Variants in PPL observed in about 807,000 individuals in gnomAD.
The protein encoded by PPL is 190 kDa paraneoplastic pemphigus antigen.
In PPL, 198 loss-of-function variants were observed where a neutral mutation model predicts 194.4. The observed-to-expected ratio is 1.02, with a 90% CI of 0.91 to 1.15. The LOEUF (loss-of-function observed/expected upper bound fraction) is 1.15. PPL is among the 50% of genes most tolerant of loss of function. PPL has a pLI of 0.00. For synonymous variants in PPL, 1,220 were observed against 972.4 expected, an observed-to-expected ratio of 1.25 and a Z score of -4.74; for missense variants, 2,885 against 2,294.8, an observed-to-expected ratio of 1.26 and a Z score of -5.25.
At chr16:4,892,819 C>T (rs1197334552) in intron 14 of PPL, 3 of 176,510 alleles carry the variant, frequency 1.7e-5, no homozygotes, top group African/African-American at 4.7e-5. Context: ...TCAGCTCACC[C>T]TGTCCTCGCC....
intron 18 of PPL, 139 bp from the exon 19 acceptor site, chr16:4,889,200 C>A: frequency 9.6e-5 from 32 of 334,202 alleles, no homozygotes; most frequent in Middle Eastern, 1.1e-3. Flanking sequence ...CCCTTGTATA[C>A]ATTTTTATTC....
chr16:4,898,983 G>GC, intron 8 of PPL, 30 bp downstream of exon 8: 1 of 1,594,962 alleles, frequency 6.3e-7, no homozygotes, highest in East Asian at 2.2e-5. Flanking sequence ...GCCACCCTGG[G>GC]GGAGGTGTCT....
chr16:4,901,129 C>A (rs2088560304), intron 4 of PPL, 40 bp from the exon 5 acceptor site: 1 of 1,608,080 alleles, frequency 6.2e-7, no homozygotes, highest in African/African-American at 1.3e-5. Context: ...AGAGGGTGGG[C>A]TGAGGGCTGG....
rs1402473253 is a variant in PPL, at chr16:4,936,145, A to G, written c.62+839T>C. On this transcript the variant is annotated intron_variant, in intron 1 of 21. Coordinates refer to ENST00000345988, the MANE Select transcript of PPL (RefSeq NM_002705.5). Reference sequence around the variant, plus strand: ...TGCTTCTCCCTGCAAACACATCAAGACATGCCATTCCCCTCCCAGGCCGCC... The same window carrying G: ...TGCTTCTCCCTGCAAACACATCAAGGCATGCCATTCCCCTCCCAGGCCGCC... Among the ~76,000 whole-genome samples the G allele has an allele frequency of 2.6e-5, 4 of 152,122 alleles. No homozygotes were observed. The East Asian group carries it at 7.7e-4, about 29-fold the overall frequency.
At chr16:4,889,991 A>C (rs1057440176) in intron 18 of PPL, among the ~76,000 whole-genome samples, 193 bp downstream of exon 18, 2 of 152,218 alleles carry the variant, frequency 1.3e-5, no homozygotes, top group Admixed American at 1.3e-4. Context: ...GGGAGAGGTG[A>C]GCGACACACT....
chr16:4,905,512 T>C (rs1358607139), intron 2 of PPL, among the ~76,000 whole-genome samples: 3 of 152,346 alleles, frequency 2.0e-5, no homozygotes, highest in South Asian at 4.1e-4. Flanking sequence ...AACTGATTCA[T>C]GGGCGTGGTT....
intron 2 of PPL, among the ~76,000 whole-genome samples, chr16:4,908,628 T>C (rs1177406201): frequency 6.6e-6 from 1 of 152,042 alleles, no homozygotes; most frequent in Non-Finnish European, 1.5e-5. Context: ...GCCTCAACCT[T>C]CCGGGCTTAA....
chr16:4,921,004 C>A (rs935706994), intron 1 of PPL, among the ~76,000 whole-genome samples: 1 of 152,186 alleles, frequency 6.6e-6, no homozygotes, highest in African/African-American at 2.4e-5. Context: ...GCCCCCTCAG[C>A]CTTGTTGACG....
At chr16:4,935,199 A>T (rs1181051305) in intron 1 of PPL, among the ~76,000 whole-genome samples, 3 of 152,110 alleles carry the variant, frequency 2.0e-5, no homozygotes, top group African/African-American at 7.2e-5. Flanking sequence ...TTTCATCCTC[A>T]TGCTTCTGGG....
intron 11 of PPL, 59 bp from the exon 12 acceptor site, chr16:4,894,677 G>T: frequency 2.5e-6 from 4 of 1,577,438 alleles, no homozygotes; most frequent in South Asian, 2.2e-5. Flanking sequence ...CTGGGAGCCC[G>T]GTTGCCATCT....
intron 2 of PPL, among the ~76,000 whole-genome samples, chr16:4,906,413 G>C (rs1280600515): frequency 6.6e-6 from 1 of 151,988 alleles, no homozygotes; most frequent in Non-Finnish European, 1.5e-5. Context: ...TTTTAGTAGA[G>C]ACGGGGTTTC....
chr16:4,926,091 C>A, intron 1 of PPL, among the ~76,000 whole-genome samples: 1 of 152,162 alleles, frequency 6.6e-6, no homozygotes, highest in Non-Finnish European at 1.5e-5. Context: ...ACCTTCCTGG[C>A]CCACACCCTA....
At chr16:4,935,114 CAG>C (rs1481576725) in intron 1 of PPL, among the ~76,000 whole-genome samples, 3 of 152,312 alleles carry the variant, frequency 2.0e-5, no homozygotes, top group East Asian at 1.9e-4. Flanking sequence ...GCCAGATATA[CAG>C]AGAGTGGCAG....
rs779481467 is a variant in PPL at position 4,884,710 on chromosome 16, G to C, written c.3945C>G (p.Leu1315=). The change falls in exon 22 of 22, where the codon CTC becomes CTG. Residue 1315 remains leucine (L), a synonymous_variant. Coordinates refer to ENST00000345988, the MANE Select transcript of PPL (RefSeq NM_002705.5). This position sits in a 1 kb window ranked among gnomAD's most constrained non-coding sequence, Gnocchi z 5.7. ...CCACTTGTTTCTTCTGCTCCTCTGAGAGCTTTGCCCTCAGAGACGCCACCT... is the reference window on the plus strand; with the variant it reads ...CCACTTGTTTCTTCTGCTCCTCTGACAGCTTTGCCCTCAGAGACGCCACCT... ...KEEVASLRAK[L]SEEQKKQVDL... 1 of 1,614,132 alleles carries C rather than the reference G, an allele frequency of 6.2e-7. No individual in the cohort carries two copies. Among genetic ancestry groups the C allele is most frequent in the South Asian group, 1.1e-5 (1 of 91,074 alleles).
chr16:4,917,534 A>C (rs2088949279), intron 1 of PPL, among the ~76,000 whole-genome samples: 1 of 152,220 alleles, frequency 6.6e-6, no homozygotes, highest in Admixed American at 6.5e-5. Context: ...AAGGGGTATC[A>C]GATTTCTTTT....
chr16:4,890,337 G>T lies in PPL; in HGVS notation c.2163-3C>A. 2.5e-6 allele frequency: 4 copies of T among 1,609,818 alleles called. No homozygotes were observed. Among genetic ancestry groups the T allele is most frequent in the Non-Finnish European group, 3.4e-6 (4 of 1,177,812 alleles). ...TGGCGCTCTGTAGGCTCTGCGCCCT[G>T]TCAAGGCAAAGCGTTCAGGCCTCAG... is the stretch of plus-strand genomic sequence containing the variant. On this transcript the variant is annotated splice_polypyrimidine_tract_variant and splice_region_variant and intron_variant, in intron 17 of 21. Coordinates refer to ENST00000345988, the MANE Select transcript of PPL (RefSeq NM_002705.5).
intron 2 of PPL, among the ~76,000 whole-genome samples, chr16:4,908,177 AAAAAG>A (rs1179154165): frequency 4.0e-5 from 6 of 150,720 alleles, no homozygotes; most frequent in Non-Finnish European, 7.4e-5. Context: ...AAAAAAAAAA[AAAAAG>A]AAAGAAAGAA....
Position 4,916,298 on chromosome 16 carries a change from G to A in PPL, c.63-5349C>T, listed in dbSNP as rs981548522. Among the ~76,000 whole-genome samples, 5 of 151,710 alleles carry A rather than the reference G, an allele frequency of 3.3e-5. 1 individual carries two copies. In the South Asian group the frequency reaches 6.2e-4, roughly 19 times the overall value. Reference sequence around the variant, plus strand: ...CATGATCTCGGCTCACTCAGCCTCCGCTTCCCAGACTCAAATGATTCTCCT... The same window carrying A: ...CATGATCTCGGCTCACTCAGCCTCCACTTCCCAGACTCAAATGATTCTCCT... On this transcript the variant is annotated intron_variant, in intron 1 of 21. Transcript: ENST00000345988.
At chr16:4,910,615 G>A (rs2088799747) in intron 2 of PPL, among the ~76,000 whole-genome samples, 1 of 152,096 alleles carries the variant, frequency 6.6e-6, no homozygotes, top group Non-Finnish European at 1.5e-5. Context: ...TCCTGACCTT[G>A]GCACCCCTGC....
Sources: allele counts gnomAD v4.1 joint callset (sites outside exome capture counted in the v4.1 genomes callset), GRCh38; gene constraint gnomAD v4.1.1; non-coding constraint Gnocchi (gnomAD v3.1); transcripts MANE v1.5; gene names NCBI Gene and HGNC (gene_info 2026-07-23, HGNC 2026-07-21).